BSG: variants seen among roughly 807,000 people sequenced by gnomAD.
The protein encoded by BSG is basigin (Ok blood group).
BSG carries 37 observed loss-of-function variants against 43.1 expected under a neutral mutation model. The ratio of observed to expected loss-of-function variants is 0.86; its 90% CI spans 0.66 to 1.13. BSG has a LOEUF of 1.13. BSG is among the 50% of genes most tolerant of loss of function. The pLI, the probability that BSG is intolerant of heterozygous loss-of-function variation, is 0.00. For missense variants in BSG, 599 were observed against 554.2 expected (o/e 1.08, Z -0.81); for synonymous variants, 309 against 238.7 (o/e 1.29, Z -2.72).
At chr19:571,427 C>G (rs1421993979), upstream of BSG, 1 of 729,900 alleles carries the variant, frequency 1.4e-6, no homozygotes, top group Admixed American at 1.9e-5. Flanking sequence ...GCCCCAATAG[C>G]GACTTTTCTC....
At chr19:571,782 C>T (rs983567166), upstream of BSG, 22 of 598,500 alleles carry the variant, frequency 3.7e-5, no homozygotes, top group Non-Finnish European at 5.7e-5. Context: ...TCTGTCCTTT[C>T]CCTGTTGGCT....
intron 1 of BSG, chr19:575,121 G>C (rs1208137378): frequency 6.6e-6 from 1 of 152,350 alleles, no homozygotes; most frequent in Non-Finnish European, 1.5e-5. Flanking sequence ...GGCCAGAGCT[G>C]CCTGCAGCCT....
chr19:574,118 G>A (rs1190556306), intron 1 of BSG, among the ~76,000 whole-genome samples: 2 of 152,074 alleles, frequency 1.3e-5, no homozygotes, highest in African/African-American at 4.8e-5. Flanking sequence ...AGCTGGGCGT[G>A]TTGGCGCACG....
chr19:581,678 G>T, intron 6 of BSG, 87 bp downstream of exon 6: 1 of 1,445,738 alleles, frequency 6.9e-7, no homozygotes, highest in South Asian at 1.4e-5. Flanking sequence ...CCCCACCGCT[G>T]ACCCAGAGCT....
rs1286579788 is a variant in BSG, at chr19:580,790, G to A, written c.792+8G>A. ...ACTGACTCTGAGGACAAGGTGAGAA[G>A]CCAAGGAGGCTGGGGGTCCTGGACC... On this transcript the variant is annotated splice_region_variant and intron_variant, in intron 5 of 8. Transcript: ENST00000333511. 1.9e-6 allele frequency: 3 copies of A among 1,612,756 alleles called. No individual in the cohort carries two copies. The highest frequency in any genetic ancestry group is 3.3e-5 in the Admixed American group (2 of 60,028).
intron 1 of BSG, among the ~76,000 whole-genome samples, chr19:576,912 C>CACGCATATGCACGTGTGT (rs1352063635): frequency 6.6e-6 from 1 of 151,978 alleles, no homozygotes; most frequent in Non-Finnish European, 1.5e-5. Flanking sequence ...GAGCCGTGTG[C>CACGCATATGCACGTGTGT]ACGCATATGC....
At chr19:579,313 TC>T (rs1307179495) in intron 2 of BSG, 186 bp from the exon 3 acceptor site, 1 of 810,960 alleles carries the variant, frequency 1.2e-6, no homozygotes, top group South Asian at 1.4e-5. Flanking sequence ...GCTGGGCTCT[TC>T]CCTTCCCGGA....
At chr19:580,963 G>A (rs1276792980) in intron 5 of BSG, among the ~76,000 whole-genome samples, 181 bp downstream of exon 5, 1 of 135,790 alleles carries the variant, frequency 7.4e-6, no homozygotes, top group Non-Finnish European at 1.6e-5. Context: ...CCAGCCCTCC[G>A]GACTGGGTGA....
At chr19:572,463 AGCGTGTGCGCGCGTGCGCAGGCGG>A (rs1030598950), upstream of BSG, 9 of 1,161,436 alleles carry the variant, frequency 7.7e-6, no homozygotes, top group African/African-American at 6.5e-5. Flanking sequence ...CGTACATGCG[AGCGTGTGCGCGCGTGCGCAGGCGG>A]GGCGACCGGC....
In BSG at chr19:582,554, G is replaced by A. The variant is rs1296640719; in HGVS notation, c.1135G>A (p.Val379Ile). 34 of 1,503,726 alleles carry A rather than the reference G, an allele frequency of 2.3e-5. No homozygotes were observed. Among genetic ancestry groups the A allele is most frequent in the Non-Finnish European group, 2.9e-5 (32 of 1,113,944 alleles). The allele number at this position is 1,503,726 out of a possible 1,614,324, so 93.1% of individuals were successfully genotyped here. A position where few individuals can be genotyped will look rare whatever the true frequency, so the allele number is the denominator to read the frequency against. ...GQHQNDKGKN[V>I]RQRNSS ...GCACCAGAATGACAAAGGCAAGAAC[G>A]TCCGCCAGAGGAACTCTTCCTGAGG... The change falls in exon 8 of 9, where the codon GTC (valine) becomes ATC (isoleucine). Residue 379 changes from valine (V) to isoleucine (I), a missense_variant. Coordinates refer to ENST00000333511, the MANE Select transcript of BSG (RefSeq NM_001728.4).
At chr19:578,261 G>C in intron 2 of BSG, 140 bp downstream of exon 2, 5 of 919,116 alleles carry the variant, frequency 5.4e-6, no homozygotes, top group Non-Finnish European at 7.7e-6. Flanking sequence ...CGCCTGGACG[G>C]AGGGGCCCGG....
chr19:573,357 C>T (rs181996046), intron 1 of BSG, among the ~76,000 whole-genome samples: 67 of 152,318 alleles, frequency 4.4e-4, no homozygotes, highest in Middle Eastern at 3.4e-3. Context: ...CCGCAAGGGC[C>T]CGTGCGGCCT....
rs1366543419 is a variant in BSG, at chr19:580,696, G to A, written c.706G>A (p.Glu236Lys). The A allele has an allele frequency of 6.2e-7, 1 of 1,612,896 alleles. No individual in the cohort carries two copies. Among genetic ancestry groups the A allele is most frequent in the Non-Finnish European group, 8.5e-7 (1 of 1,179,992 alleles). ...GTCGTCAGAACACATCAACGAGGGG[G>A]AGACGGCCATGCTGGTCTGCAAGTC... ...VKSSEHINEGETAMLVCKSES... is the reference protein window; with the variant it reads ...VKSSEHINEGKTAMLVCKSES... The change falls in exon 5 of 9, where the codon GAG becomes AAG. Residue 236 changes from glutamate (E) to lysine (K), a missense_variant. Coordinates refer to ENST00000333511, the MANE Select transcript of BSG (RefSeq NM_001728.4).
chr19:573,026 G>C (rs891438503), intron 1 of BSG, among the ~76,000 whole-genome samples: 2 of 152,168 alleles, frequency 1.3e-5, no homozygotes, highest in Non-Finnish European at 2.9e-5. Context: ...TCTTGGTCAG[G>C]GGAGGTGGGC....
chr19:571,584 C>T (rs1981241676), upstream of BSG: 3 of 779,620 alleles, frequency 3.8e-6, no homozygotes, highest in Non-Finnish European at 7.2e-6. Flanking sequence ...AGAAAGGTAA[C>T]CGCCAGCCTC....
chr19:577,257 G>A (rs958374647), intron 1 of BSG, among the ~76,000 whole-genome samples: 3 of 150,868 alleles, frequency 2.0e-5, no homozygotes, highest in African/African-American at 7.3e-5. Flanking sequence ...CCTCTCTCTG[G>A]GTCGCCGCCC....
At position 579,538 on chromosome 19, in the gene BSG, A is replaced by C. The variant is rs753663735; in HGVS notation, c.454A>C (p.Lys152Gln). 6.2e-7 allele frequency: 1 copy of C among 1,612,742 alleles called. No individual in the cohort carries two copies. Among genetic ancestry groups the C allele is most frequent in the Middle Eastern group, 1.7e-4 (1 of 6,060 alleles). The part of the protein sequence containing the change: ...VFTTVEDLGS[K>Q]ILLTCSLNDS... ...CACTACCGTAGAAGACCTTGGCTCC[A>C]AGATACTCCTCACCTGCTCCTTGAA... Residue 152 changes from lysine (K) to glutamine (Q), a missense_variant, in exon 3 of 9, where the codon AAG (lysine) becomes CAG (glutamine). By Grantham distance (53) the Lys-to-Gln change is moderately conservative. Coordinates refer to ENST00000333511, the MANE Select transcript of BSG (RefSeq NM_001728.4).
rs537290646 is a variant in BSG, at chr19:583,224, T to G, written c.*480T>G. The G allele has an allele frequency of 4.1e-4, 63 of 152,874 alleles. No individual in the cohort carries two copies. Among genetic ancestry groups the G allele is most frequent in the African/African-American group, 1.5e-3 (61 of 41,588 alleles). 9.5% of individuals were successfully genotyped at this position (152,874 alleles called of 1,614,324 possible). A position where few individuals can be genotyped will look rare whatever the true frequency, so the allele number is the denominator to read the frequency against. On this transcript the variant is annotated 3_prime_UTR_variant, in exon 9 of 9. Coordinates refer to ENST00000333511, the MANE Select transcript of BSG (RefSeq NM_001728.4). ...CTCAGCCTCAGGGACGACTCTGACCTCTTGGCCACAGAGGACTCACTTGCC... is the reference window on the plus strand; with the variant it reads ...CTCAGCCTCAGGGACGACTCTGACCGCTTGGCCACAGAGGACTCACTTGCC...
chr19:580,537 C>T, intron 4 of BSG, 76 bp downstream of exon 4: 1 of 1,604,070 alleles, frequency 6.2e-7, no homozygotes, highest in Non-Finnish European at 8.5e-7. Flanking sequence ...CCCGGCACAT[C>T]CCAGAGCCCT....
Sources: allele counts gnomAD v4.1 joint callset (sites outside exome capture counted in the v4.1 genomes callset), GRCh38; gene constraint gnomAD v4.1.1; transcripts MANE v1.5; gene names NCBI Gene and HGNC (gene_info 2026-07-23, HGNC 2026-07-21).